The following FECH variants were observed in gnomAD, a reference collection of about 807,000 sequenced individuals.
The protein encoded by FECH is ferrochelatase.
Under a neutral mutation model 56.9 loss-of-function variants are expected in FECH, and 40 were observed. The observed-to-expected ratio is 0.70, with a 90% confidence interval of 0.55 to 0.92. FECH has a LOEUF of 0.92. FECH is among the 40% of genes least tolerant of loss of function. FECH has a pLI of 0.00. For synonymous variants in FECH, 175 were observed against 198.6 expected, an observed-to-expected ratio of 0.88 and a Z score of 1.00; for missense variants, 431 against 529.1, an observed-to-expected ratio of 0.81 and a Z score of 1.82.
Position 57,550,360 on chromosome 18 carries a change from C to G in FECH, c.*352G>C. Reference sequence around the variant, plus strand: ...TCACACTGCCAGCCCACAGAGGGGACTCTCCGTACCCTTTCAGGAGGGTTT... The same window carrying G: ...TCACACTGCCAGCCCACAGAGGGGAGTCTCCGTACCCTTTCAGGAGGGTTT... On this transcript the variant is annotated 3_prime_UTR_variant, in exon 11 of 11. Transcript: ENST00000262093. The G allele has an allele frequency of 4.0e-6, 1 of 250,244 alleles. No individual in the cohort carries two copies. Among genetic ancestry groups the G allele is most frequent in the South Asian group, 5.4e-5 (1 of 18,584 alleles). The allele number at this position is 250,244 out of a possible 1,614,324, so 15.5% of individuals were successfully genotyped here. A position where few individuals can be genotyped will look rare whatever the true frequency, so the allele number is the denominator to read the frequency against.
intron 2 of FECH, among the ~76,000 whole-genome samples, chr18:57,575,220 T>G (rs1484498889): frequency 1.3e-5 from 2 of 152,108 alleles, no homozygotes; most frequent in African/African-American, 4.8e-5. Context: ...CATTATATGG[T>G]TATACCCTCT....
chr18:57,565,001 C>A (rs562111504), intron 5 of FECH, among the ~76,000 whole-genome samples: 25 of 152,340 alleles, frequency 1.6e-4, no homozygotes, highest in African/African-American at 6.0e-4. Flanking sequence ...CAAAGCCTTC[C>A]ACAACTTGGA....
chr18:57,557,335 C>G (rs976124268), intron 7 of FECH, among the ~76,000 whole-genome samples: 31 of 152,198 alleles, frequency 2.0e-4, no homozygotes, highest in African/African-American at 7.2e-4. Flanking sequence ...TTTCTCAACT[C>G]TCCAATGTCC....
At chr18:57,563,789 T>C (rs2122289271) in intron 5 of FECH, among the ~76,000 whole-genome samples, 1 of 152,260 alleles carries the variant, frequency 6.6e-6, no homozygotes, top group Admixed American at 6.5e-5. Flanking sequence ...TAATTTTTAA[T>C]ACATATGCAA....
At chr18:57,585,050 A>G (rs1200073403) in intron 1 of FECH, among the ~76,000 whole-genome samples, 1 of 151,874 alleles carries the variant, frequency 6.6e-6, no homozygotes, top group East Asian at 1.9e-4. Context: ...AAGTTTGGAA[A>G]GAAAAAGGCA....
Position 57,554,922 on chromosome 18 carries a change from C to T in FECH, c.835G>A (p.Glu279Lys), listed in dbSNP as rs2050849085. The T allele has an allele frequency of 6.2e-7, 1 of 1,614,040 alleles. No individual in the cohort carries two copies. Among genetic ancestry groups the T allele is most frequent in the Non-Finnish European group, 8.5e-7 (1 of 1,180,028 alleles). ...ACTTTTTGGACAGTGGCGCTTACCT[C>T]CTGAGGATATGGGTCGCCTCTGTTG... ...VVNRGDPYPQ[E>K]VSATVQKVME... Residue 279 changes from glutamate to lysine, a missense_variant, in exon 8 of 11, where the codon GAG becomes AAG. Coordinates refer to ENST00000262093, the MANE Select transcript of FECH (RefSeq NM_000140.5).
rs991040183 is a variant in FECH, at chr18:57,548,008, T to C, written c.*2704A>G. Reference sequence around the variant, plus strand: ...GCTCATCCTTGTAATCCCAGCACTTTGGGAGACTGAGGCAGGAGAATCCCT... The same window carrying C: ...GCTCATCCTTGTAATCCCAGCACTTCGGGAGACTGAGGCAGGAGAATCCCT... On this transcript the variant is annotated 3_prime_UTR_variant, in exon 11 of 11. Coordinates refer to ENST00000262093, the MANE Select transcript of FECH (RefSeq NM_000140.5). Among the ~76,000 whole-genome samples the C allele has an allele frequency of 5.3e-5, 8 of 151,986 alleles. No individual in the cohort carries two copies. The highest frequency in any genetic ancestry group is 1.3e-4 in the Admixed American group (2 of 15,264).
chr18:57,572,015 T>C (rs534654128), intron 3 of FECH, among the ~76,000 whole-genome samples: 1 of 152,312 alleles, frequency 6.6e-6, no homozygotes, highest in Non-Finnish European at 1.5e-5. Context: ...AAACTAATTG[T>C]CCACCATGAA....
At chr18:57,578,164 T>C (rs559035825) in intron 2 of FECH, among the ~76,000 whole-genome samples, 1 of 152,294 alleles carries the variant, frequency 6.6e-6, no homozygotes, top group Admixed American at 6.5e-5. Context: ...CTTCAGTTTC[T>C]ATCAAATCCC....
rs757389372 is a variant in FECH, at chr18:57,562,931, C to T, written c.648G>A (p.Lys216=). 1 of 1,614,100 alleles carries T rather than the reference C, an allele frequency of 6.2e-7. No homozygotes were observed. The highest frequency in any genetic ancestry group is 1.1e-5 in the South Asian group (1 of 91,086). Residue 216 remains lysine, a synonymous_variant, in exon 6 of 11, where the codon AAG becomes AAA. Coordinates refer to ENST00000262093, the MANE Select transcript of FECH (RefSeq NM_000140.5). Reference sequence around the variant, plus strand: ...CAATAGTGCTCCACTTCATCGTGGGCTTCCGTCCCACTTGATTATAGTATC... The same window carrying T: ...CAATAGTGCTCCACTTCATCGTGGGTTTCCGTCCCACTTGATTATAGTATC... ...IYRYYNQVGR[K]PTMKWSTIDR...
intron 1 of FECH, among the ~76,000 whole-genome samples, chr18:57,585,086 A>G (rs976027486): frequency 3.9e-5 from 6 of 152,052 alleles, no homozygotes; most frequent in Non-Finnish European, 7.4e-5. Context: ...ATTCATATAG[A>G]TAGCTAAACA....
At chr18:57,553,874 A>G (rs1012790396) in intron 9 of FECH, among the ~76,000 whole-genome samples, 1 of 152,258 alleles carries the variant, frequency 6.6e-6, no homozygotes, top group African/African-American at 2.4e-5. Flanking sequence ...AGTAAAGGTC[A>G]TGATTAGGCA....
At chr18:57,586,052 A>T (rs2051366943) in intron 1 of FECH, 1 of 155,942 alleles carries the variant, frequency 6.4e-6, no homozygotes, top group South Asian at 1.8e-4. Context: ...AGAAAACGCT[A>T]GCCCAGGCTG....
Position 57,554,839 on chromosome 18 carries a change from A to G in FECH, c.912+6T>C. On this transcript the variant is annotated splice_donor_region_variant and intron_variant, in intron 8 of 10. Transcript: ENST00000262093. ...CTGGCCGCCCGCCAGTGTGGAAGCC[A>G]CTTACCTTGGATTGCCACACCAGTC... is the stretch of plus-strand genomic sequence containing the variant. 3 of 1,612,460 alleles carry G rather than the reference A, an allele frequency of 1.9e-6. No individual in the cohort carries two copies. Among genetic ancestry groups the G allele is most frequent in the Non-Finnish European group, 2.5e-6 (3 of 1,178,474 alleles).
At position 57,545,652 on chromosome 18, in the gene FECH, A is replaced by G. The variant is rs569498083; in HGVS notation, c.*5060T>C. On this transcript the variant is annotated 3_prime_UTR_variant, in exon 11 of 11. Transcript: ENST00000262093. The stretch of plus-strand genomic sequence containing the variant: ...CATTCAACAAATATTAGCAGCATCA[A>G]TTTACTTCTCTGAAGCACCTGCAGG... Among the ~76,000 whole-genome samples the G allele has an allele frequency of 2.0e-5, 3 of 152,282 alleles. No individual in the cohort carries two copies. The highest frequency in any genetic ancestry group is 4.8e-5 in the African/African-American group (2 of 41,550).
chr18:57,557,713 C>T (rs2050886715), intron 7 of FECH, among the ~76,000 whole-genome samples: 1 of 152,114 alleles, frequency 6.6e-6, no homozygotes, highest in Non-Finnish European at 1.5e-5. Flanking sequence ...AGGAGAATCG[C>T]TTGAACCCAG....
At chr18:57,571,733 C>T (rs780433162) in intron 3 of FECH, 193 bp from the exon 4 acceptor site, 2 of 690,888 alleles carry the variant, frequency 2.9e-6, no homozygotes, top group Non-Finnish European at 4.7e-6. Context: ...AAGCTATACC[C>T]TCTCTGAGGA....
chr18:57,583,110 C>T (rs2051311255), intron 1 of FECH, among the ~76,000 whole-genome samples: 1 of 152,154 alleles, frequency 6.6e-6, no homozygotes, highest in African/African-American at 2.4e-5. Context: ...GGACCCTTTC[C>T]ACTCAGGTTC....
intron 7 of FECH, among the ~76,000 whole-genome samples, chr18:57,555,334 A>C (rs547884073): frequency 6.6e-6 from 1 of 152,340 alleles, no homozygotes; most frequent in South Asian, 2.1e-4. Context: ...AGTTGATTTC[A>C]CAACAGGAAC....
Sources: gnomAD v4.1 joint callset for allele counts (sites outside exome capture counted in the v4.1 genomes callset) on GRCh38, gnomAD v4.1.1 for gene constraint, MANE v1.5 for transcripts, NCBI Gene and HGNC (gene_info 2026-07-23, HGNC 2026-07-21) for gene names.